MYRIP: variants seen among roughly 807,000 people sequenced by gnomAD.
The protein encoded by MYRIP is myosin VIIA and Rab interacting protein.
In MYRIP, 49 loss-of-function variants were observed where a neutral mutation model predicts 98.0. The ratio of observed to expected loss-of-function variants is 0.50; its 90% CI spans 0.40 to 0.63. The LOEUF is 0.63. Among genes scored for constraint, MYRIP ranks in the 30% least tolerant of loss-of-function variants. The probability of loss-of-function intolerance (pLI) is 0.00; values close to 1 mark genes in which losing one functional copy is unlikely to be tolerated. For missense variants in MYRIP, 1,004 were observed against 1,058.2 expected (o/e 0.95, Z 0.71); for synonymous variants, 404 against 409.5 (o/e 0.99, Z 0.16).
At chr3:39,975,619 G>A (rs1317349620) in intron 2 of MYRIP, among the ~76,000 whole-genome samples, 1 of 151,966 alleles carries the variant, frequency 6.6e-6, no homozygotes, top group Non-Finnish European at 1.5e-5. Flanking sequence ...GAACAAAGCT[G>A]GAGGCATCAC....
At chr3:40,170,212 G>A (rs1221277697) in intron 8 of MYRIP, 119 bp downstream of exon 8, 3 of 1,321,330 alleles carry the variant, frequency 2.3e-6, no homozygotes, top group African/African-American at 3.0e-5. Context: ...GAAGGATGGG[G>A]AGCGAAATTG....
intron 3 of MYRIP, among the ~76,000 whole-genome samples, chr3:40,133,689 A>G (rs1287550444): frequency 6.6e-6 from 1 of 152,180 alleles, no homozygotes; most frequent in Non-Finnish European, 1.5e-5. Context: ...GTGAGCTGAG[A>G]TCACACCACT....
chr3:40,036,253 T>C (rs1262523284), intron 2 of MYRIP, among the ~76,000 whole-genome samples: 1 of 116,606 alleles, frequency 8.6e-6, no homozygotes, highest in African/African-American at 3.3e-5. Context: ...TAGAGTCTTC[T>C]ACAAAGGAAG....
intron 2 of MYRIP, among the ~76,000 whole-genome samples, chr3:40,028,360 A>G (rs1043772759): frequency 3.9e-5 from 6 of 152,058 alleles, no homozygotes; most frequent in African/African-American, 1.4e-4. Context: ...AACACTTCAC[A>G]CCCCCTGTTA....
chr3:40,016,548 A>C (rs546137600), intron 2 of MYRIP, among the ~76,000 whole-genome samples: 4 of 152,312 alleles, frequency 2.6e-5, no homozygotes, highest in Admixed American at 6.5e-5. Flanking sequence ...CCATGGGGTC[A>C]GACTGAAGCC....
intron 3 of MYRIP, among the ~76,000 whole-genome samples, chr3:40,096,189 G>A (rs972904329): frequency 1.3e-5 from 2 of 151,804 alleles, no homozygotes; most frequent in Middle Eastern, 3.2e-3. Context: ...ATCCTAAACC[G>A]GTGTTCCATC....
chr3:40,016,640 C>G (rs1225431435), intron 2 of MYRIP, among the ~76,000 whole-genome samples: 2 of 152,158 alleles, frequency 1.3e-5, no homozygotes, highest in Non-Finnish European at 2.9e-5. Context: ...TCACTGCTCC[C>G]CACCTGAGGG....
intron 1 of MYRIP, among the ~76,000 whole-genome samples, chr3:39,835,469 C>G (rs764935147): frequency 3.3e-5 from 5 of 151,974 alleles, no homozygotes; most frequent in African/African-American, 1.2e-4. Flanking sequence ...AAACATACCA[C>G]AAATATTTTA....
At chr3:39,855,300 T>A (rs2125611068) in intron 1 of MYRIP, among the ~76,000 whole-genome samples, 1 of 152,298 alleles carries the variant, frequency 6.6e-6, no homozygotes. Flanking sequence ...CAAGAGAGCA[T>A]GAGCTCTAGT....
intron 13 of MYRIP, among the ~76,000 whole-genome samples, chr3:40,247,045 T>TTTTCTGTTA (rs1953229230): frequency 6.6e-6 from 1 of 152,232 alleles, no homozygotes; most frequent in Non-Finnish European, 1.5e-5. Context: ...TAGAATCAAA[T>TTTTCTGTTA]CACTTGTTTT....
chr3:40,057,156 C>G (rs1308249155), intron 3 of MYRIP, among the ~76,000 whole-genome samples: 1 of 152,068 alleles, frequency 6.6e-6, no homozygotes, highest in East Asian at 1.9e-4. Flanking sequence ...TTCTTTCCTC[C>G]CTTCACCTTC....
intron 2 of MYRIP, among the ~76,000 whole-genome samples, chr3:40,005,356 T>A (rs1200188589): frequency 6.6e-6 from 1 of 152,258 alleles, no homozygotes; most frequent in Non-Finnish European, 1.5e-5. Flanking sequence ...TCAGTATTTG[T>A]TAAATGTATG....
At chr3:39,919,817 T>A (rs1944268393) in intron 2 of MYRIP, among the ~76,000 whole-genome samples, 1 of 151,912 alleles carries the variant, frequency 6.6e-6, no homozygotes, top group Non-Finnish European at 1.5e-5. Flanking sequence ...TACATGAACC[T>A]CAAAGCAGAG....
chr3:40,112,718 T>C (rs1040799129), intron 3 of MYRIP, among the ~76,000 whole-genome samples: 4 of 152,186 alleles, frequency 2.6e-5, no homozygotes, highest in Non-Finnish European at 4.4e-5. Context: ...ATAAGGATTT[T>C]TCATCCAGTA....
intron 11 of MYRIP, among the ~76,000 whole-genome samples, chr3:40,214,432 C>A (rs886397170): frequency 4.6e-5 from 7 of 152,210 alleles, no homozygotes; most frequent in African/African-American, 1.7e-4. Context: ...TGTCCAGCAG[C>A]AGAAGAACCA....
intron 2 of MYRIP, among the ~76,000 whole-genome samples, chr3:39,920,992 C>T (rs1027680711): frequency 3.3e-5 from 5 of 152,166 alleles, no homozygotes; most frequent in African/African-American, 1.2e-4. Context: ...GATTCTGGTC[C>T]ACTGTTGCCA....
intron 9 of MYRIP, among the ~76,000 whole-genome samples, chr3:40,184,242 A>C (rs1465816620): frequency 6.6e-6 from 1 of 152,196 alleles, no homozygotes; most frequent in African/African-American, 2.4e-5. Flanking sequence ...GCAAATGCAC[A>C]CAGAAAATGG....
intron 2 of MYRIP, among the ~76,000 whole-genome samples, chr3:39,947,362 G>A (rs1195352637): frequency 6.6e-6 from 1 of 152,002 alleles, no homozygotes; most frequent in Non-Finnish European, 1.5e-5. Context: ...TTAAAATTCA[G>A]CTGGCTTGTT....
At chr3:39,872,099 T>C (rs1319624106) in intron 1 of MYRIP, among the ~76,000 whole-genome samples, 1 of 152,034 alleles carries the variant, frequency 6.6e-6, no homozygotes, top group African/African-American at 2.4e-5. Flanking sequence ...TCCAGCTTTA[T>C]TTTTAGAAAT....
Sources: allele counts gnomAD v4.1 joint callset (sites outside exome capture counted in the v4.1 genomes callset), GRCh38; gene constraint gnomAD v4.1.1; transcripts MANE v1.5; gene names NCBI Gene and HGNC (gene_info 2026-07-23, HGNC 2026-07-21).